Variants in SPTLC3 observed in about 807,000 individuals in gnomAD.
The protein encoded by SPTLC3 is serine palmitoyltransferase long chain base subunit 3.
Under a neutral mutation model 59.3 loss-of-function variants are expected in SPTLC3, and 36 were observed. That is an observed-to-expected ratio of 0.61 (90% CI 0.47 to 0.80). The LOEUF is 0.80. SPTLC3 is among the 30% of genes least tolerant of loss of function. The pLI, the probability that SPTLC3 is intolerant of heterozygous loss-of-function variation, is 0.00. For synonymous variants in SPTLC3, 257 were observed against 240.8 expected, an observed-to-expected ratio of 1.07 and a Z score of -0.62; for missense variants, 625 against 685.1, an observed-to-expected ratio of 0.91 and a Z score of 0.98.
intron 4 of SPTLC3, among the ~76,000 whole-genome samples, chr20:13,082,862 A>G (rs1189923996): frequency 6.6e-6 from 1 of 152,202 alleles, no homozygotes. Flanking sequence ...GCACCTGTGT[A>G]TATCTTTTAA....
chr20:13,029,887 G>T (rs1363307785), intron 1 of SPTLC3, among the ~76,000 whole-genome samples: 1 of 152,084 alleles, frequency 6.6e-6, no homozygotes, highest in Non-Finnish European at 1.5e-5. Context: ...TGAATCCTTG[G>T]CAAGTTTCTC....
intron 1 of SPTLC3, among the ~76,000 whole-genome samples, chr20:13,019,354 A>C (rs1985741727): frequency 6.6e-6 from 1 of 152,212 alleles, no homozygotes; most frequent in Non-Finnish European, 1.5e-5. Flanking sequence ...CCAATTTGTA[A>C]CCTCTAAACT....
intron 9 of SPTLC3, among the ~76,000 whole-genome samples, chr20:13,139,771 T>C (rs1042396267): frequency 6.6e-6 from 1 of 152,190 alleles, no homozygotes; most frequent in African/African-American, 2.4e-5. Context: ...TCCTCCGACT[T>C]TCTGATTCTT....
At chr20:13,102,983 T>G (rs929213225) in intron 6 of SPTLC3, among the ~76,000 whole-genome samples, 4 of 152,188 alleles carry the variant, frequency 2.6e-5, no homozygotes, top group African/African-American at 9.7e-5. Context: ...CCAGGTCACC[T>G]GCTCTCAGCT....
At chr20:13,144,905 G>T (rs1224948947) in intron 9 of SPTLC3, among the ~76,000 whole-genome samples, 7 of 152,106 alleles carry the variant, frequency 4.6e-5, no homozygotes. Flanking sequence ...CTCCCAAGTA[G>T]CTGGGACTAC....
At chr20:13,090,964 TC>T in intron 4 of SPTLC3, 118 bp from the exon 5 acceptor site, 1 of 1,381,220 alleles carries the variant, frequency 7.2e-7, no homozygotes, top group Non-Finnish European at 9.8e-7. Flanking sequence ...TGGCAAATCT[TC>T]CTGCTACAAG....
At chr20:13,129,651 C>A (rs550814826) in intron 9 of SPTLC3, among the ~76,000 whole-genome samples, 16 of 152,338 alleles carry the variant, frequency 1.1e-4, no homozygotes, top group Admixed American at 5.9e-4. Context: ...GAATCAGTTG[C>A]TTTACATGTA....
rs779867572 is a variant in SPTLC3, at chr20:13,049,154, T to A, written c.303+24T>A. 1.9e-6 allele frequency: 3 copies of A among 1,608,754 alleles called. No homozygotes were observed. The South Asian group carries it at 3.3e-5, about 18-fold the overall frequency. On this transcript the variant is annotated intron_variant, in intron 2 of 11. Transcript: ENST00000399002. ...AAGTACGTATGCGCACCTCCCTGGA[T>A]CTTTGTCAATGCCTACTCCTCTCTA... is the stretch of plus-strand genomic sequence containing the variant.
intron 8 of SPTLC3, among the ~76,000 whole-genome samples, chr20:13,122,468 G>T (rs565363220): frequency 6.6e-6 from 1 of 152,294 alleles, no homozygotes; most frequent in South Asian, 2.1e-4. Flanking sequence ...TACTCTTCTG[G>T]GGAGAAGTCT....
chr20:13,119,165 G>A (rs1990761649), intron 8 of SPTLC3, among the ~76,000 whole-genome samples: 1 of 152,226 alleles, frequency 6.6e-6, no homozygotes, highest in South Asian at 2.1e-4. Flanking sequence ...TGAGCTTGTG[G>A]TTTTGTGATT....
At chr20:13,066,281 T>C (rs914389781) in intron 2 of SPTLC3, among the ~76,000 whole-genome samples, 1 of 146,162 alleles carries the variant, frequency 6.8e-6, no homozygotes, top group Non-Finnish European at 1.5e-5. Flanking sequence ...ATTCTGCATA[T>C]GTATATCCAA....
intron 1 of SPTLC3, among the ~76,000 whole-genome samples, chr20:13,035,609 T>G (rs747062786): frequency 2.6e-5 from 4 of 152,162 alleles, no homozygotes; most frequent in Non-Finnish European, 5.9e-5. Context: ...TGGTCAATGA[T>G]TAATTGCACC....
At position 13,097,014 on chromosome 20, in the gene SPTLC3, G is replaced by A. The variant is rs536207177; in HGVS notation, c.826+3437G>A. The stretch of plus-strand genomic sequence containing the variant: ...CTGTGGTTGGAAAAGGCATATAAGT[G>A]CTTAGCACAATGCCTGGCAATGGGA... On this transcript the variant is annotated intron_variant, in intron 6 of 11. Transcript: ENST00000399002. 1.2e-3 allele frequency among the ~76,000 whole-genome samples: 184 copies of A among 152,096 alleles called. 1 individual carries two copies. Among genetic ancestry groups the A allele is most frequent in the African/African-American group, 4.2e-3 (175 of 41,506 alleles).
At position 13,093,503 on chromosome 20, in the gene SPTLC3, A is replaced by T. The variant is rs1989302453; in HGVS notation, c.752A>T (p.Asp251Val). 6.2e-7 allele frequency: 1 copy of T among 1,613,418 alleles called. No individual in the cohort carries two copies. The highest frequency in any genetic ancestry group is 8.5e-7 in the Non-Finnish European group (1 of 1,179,488). Residue 251 changes from aspartate (D) to valine (V), a missense_variant, in exon 6 of 12, where the codon GAT becomes GTT. Asp to Val is a radical substitution (Grantham distance 152, BLOSUM62 -3). Coordinates refer to ENST00000399002, the MANE Select transcript of SPTLC3 (RefSeq NM_018327.4). ...GCACAGGGATGCCTCATTTTAAGTG[A>T]TGAGTTAAACCACACATCGCTTGTG... Reference protein sequence around the residue: ...LVGKGCLILSDELNHTSLVLG... With the variant: ...LVGKGCLILSVELNHTSLVLG...
intron 1 of SPTLC3, among the ~76,000 whole-genome samples, chr20:13,035,183 C>A (rs1344172771): frequency 6.6e-6 from 1 of 152,090 alleles, no homozygotes; most frequent in African/African-American, 2.4e-5. Context: ...TGTCTTCTGG[C>A]AGAACAGTTG....
At chr20:13,101,788 G>A (rs7262217) in intron 6 of SPTLC3, among the ~76,000 whole-genome samples, 257 of 152,190 alleles carry the variant, frequency 1.7e-3, no homozygotes, top group African/African-American at 5.8e-3. Flanking sequence ...GTCTGGGTGG[G>A]GGCCTGAGAT....
chr20:13,159,422 T>A (rs1260512777), intron 10 of SPTLC3, among the ~76,000 whole-genome samples: 1 of 152,166 alleles, frequency 6.6e-6, no homozygotes, highest in East Asian at 1.9e-4. Context: ...TTATCTCTGA[T>A]TTGATGGAAA....
chr20:13,121,158 A>C (rs2037857344), intron 8 of SPTLC3, among the ~76,000 whole-genome samples: 1 of 152,220 alleles, frequency 6.6e-6, no homozygotes, highest in South Asian at 2.1e-4. Context: ...GTCCACCTGC[A>C]TGCCTGGTGC....
At chr20:13,114,320 T>A (rs75675924) in intron 7 of SPTLC3, among the ~76,000 whole-genome samples, 6,819 of 152,322 alleles carry the variant, frequency 0.045, 491 homozygotes, top group African/African-American at 0.15. Context: ...CATTTTAAAA[T>A]CACATTTTCT....
Sources: gnomAD v4.1 joint callset for allele counts (sites outside exome capture counted in the v4.1 genomes callset) on GRCh38, gnomAD v4.1.1 for gene constraint, MANE v1.5 for transcripts, NCBI Gene and HGNC (gene_info 2026-07-23, HGNC 2026-07-21) for gene names.